The following TRHDE variants were observed in gnomAD, a reference collection of about 807,000 sequenced individuals.
TRHDE encodes thyrotropin releasing hormone degrading enzyme.
TRHDE carries 72 observed loss-of-function variants against 125.7 expected under a neutral mutation model. The ratio of observed to expected loss-of-function variants is 0.57; its 90% CI spans 0.47 to 0.70. The LOEUF is 0.70. Ranked by LOEUF, TRHDE falls within the 30% of genes least tolerant of loss-of-function variation. TRHDE has a pLI of 0.00. For synonymous variants in TRHDE, 509 were observed against 509.1 expected (o/e 1.00, Z 0.00); for missense variants, 1,110 against 1,327.1 (o/e 0.84, Z 2.54).
At chr12:72,159,413 T>A (rs1362901275) in intron 2 of TRHDE, among the ~76,000 whole-genome samples, 1 of 152,224 alleles carries the variant, frequency 6.6e-6, no homozygotes, top group Non-Finnish European at 1.5e-5. Context: ...CCCAGCCACA[T>A]GAATTCTTTC....
At chr12:72,354,682 AT>A (rs1870732743) in intron 2 of TRHDE, among the ~76,000 whole-genome samples, 1 of 148,682 alleles carries the variant, frequency 6.7e-6, no homozygotes, top group Non-Finnish European at 1.5e-5. Flanking sequence ...TAATTTTAAA[AT>A]ATATATGTAA....
intron 2 of TRHDE, among the ~76,000 whole-genome samples, chr12:72,316,571 T>G (rs1868813498): frequency 6.6e-6 from 1 of 152,202 alleles, no homozygotes; most frequent in African/African-American, 2.4e-5. Context: ...GAAAGGAAAG[T>G]GCTGTCCTGC....
intron 2 of TRHDE, among the ~76,000 whole-genome samples, chr12:72,349,052 C>T (rs932836042): frequency 6.6e-6 from 1 of 151,930 alleles, no homozygotes; most frequent in Non-Finnish European, 1.5e-5. Context: ...TGTAGTCTCC[C>T]TCTGGTCCAT....
At chr12:72,482,797 A>G (rs1334531435) in intron 5 of TRHDE, among the ~76,000 whole-genome samples, 1 of 151,960 alleles carries the variant, frequency 6.6e-6, no homozygotes, top group Non-Finnish European at 1.5e-5. Context: ...AACTATTTGC[A>G]TGACTGGTCC....
At chr12:72,210,018 G>T (rs773452122) in intron 2 of TRHDE, among the ~76,000 whole-genome samples, 11 of 152,104 alleles carry the variant, frequency 7.2e-5, no homozygotes, top group African/African-American at 2.2e-4. Flanking sequence ...TATTTAAGAG[G>T]TTGAAAATTT....
chr12:72,461,066 G>A (rs1876107296), intron 3 of TRHDE, among the ~76,000 whole-genome samples: 1 of 152,164 alleles, frequency 6.6e-6, no homozygotes, highest in Non-Finnish European at 1.5e-5. Flanking sequence ...AACACTGGCT[G>A]CCTATTATGG....
chr12:72,365,345 T>C (rs1210333439), intron 2 of TRHDE, among the ~76,000 whole-genome samples: 1 of 152,082 alleles, frequency 6.6e-6, no homozygotes, highest in Non-Finnish European at 1.5e-5. Flanking sequence ...TATATATGAT[T>C]CAACTGTAAG....
intron 3 of TRHDE, among the ~76,000 whole-genome samples, chr12:72,400,413 T>A (rs1371117835): frequency 1.3e-5 from 2 of 152,218 alleles, no homozygotes; most frequent in African/African-American, 4.8e-5. Flanking sequence ...TTTAATTTAA[T>A]ATGTAAGTGT....
chr12:72,108,737 AG>A (rs147475870), intron 2 of TRHDE, among the ~76,000 whole-genome samples: 3,146 of 152,234 alleles, frequency 0.021, 104 homozygotes, highest in African/African-American at 0.07. Context: ...AATGGTTGAA[AG>A]AATACGGGAA....
intron 15 of TRHDE, among the ~76,000 whole-genome samples, chr12:72,642,820 A>G (rs1050758294): frequency 1.3e-5 from 2 of 152,188 alleles, no homozygotes; most frequent in Non-Finnish European, 2.9e-5. Context: ...TGTACTGTTC[A>G]TAACTGTGGG....
chr12:72,562,516 A>C (rs949685941), intron 8 of TRHDE, among the ~76,000 whole-genome samples: 1 of 152,050 alleles, frequency 6.6e-6, no homozygotes, highest in African/African-American at 2.4e-5. Context: ...AAAAAATTGA[A>C]GTTTTAAATA....
intron 1 of TRHDE, among the ~76,000 whole-genome samples, chr12:72,093,025 G>A (rs1874828811): frequency 6.6e-6 from 1 of 152,182 alleles, no homozygotes; most frequent in African/African-American, 2.4e-5. Context: ...TTGATAGTAG[G>A]AGCCCTCAGC....
intron 6 of TRHDE, among the ~76,000 whole-genome samples, chr12:72,509,498 G>T (rs1878496867): frequency 6.6e-6 from 1 of 152,044 alleles, no homozygotes; most frequent in South Asian, 2.1e-4. Context: ...TCCCACATGA[G>T]GGCCTTTGAA....
chr12:72,450,556 A>G (rs1875520770), intron 3 of TRHDE, among the ~76,000 whole-genome samples: 1 of 151,940 alleles, frequency 6.6e-6, no homozygotes, highest in Non-Finnish European at 1.5e-5. Context: ...CCAATTGTCA[A>G]GAATATAGTA....
chr12:72,648,204 A>G (rs1463659212), intron 15 of TRHDE, among the ~76,000 whole-genome samples: 1 of 152,130 alleles, frequency 6.6e-6, no homozygotes, highest in African/African-American at 2.4e-5. Flanking sequence ...TCCTTTCATG[A>G]TAAAAAAAAA....
chr12:72,571,667 A>G (rs1870737738), intron 10 of TRHDE, among the ~76,000 whole-genome samples: 1 of 152,184 alleles, frequency 6.6e-6, no homozygotes, highest in African/African-American at 2.4e-5. Flanking sequence ...TGGCTATTCA[A>G]TTAACGGTTC....
intron 12 of TRHDE, among the ~76,000 whole-genome samples, chr12:72,578,168 G>A (rs1045794765): frequency 1.3e-5 from 2 of 152,106 alleles, no homozygotes; most frequent in African/African-American, 2.4e-5. Context: ...TATGCTCCAG[G>A]TACTGTTCTG....
chr12:72,353,300 T>G (rs1870669387), intron 2 of TRHDE, among the ~76,000 whole-genome samples: 1 of 151,590 alleles, frequency 6.6e-6, no homozygotes, highest in Non-Finnish European at 1.5e-5. Flanking sequence ...ATAGAAGCAT[T>G]TGTAGTAGAT....
At chr12:72,281,927 C>T (rs1391922086) in intron 1 of TRHDE, among the ~76,000 whole-genome samples, 1 of 152,162 alleles carries the variant, frequency 6.6e-6, no homozygotes, top group African/African-American at 2.4e-5. Flanking sequence ...AGCTTTAAGC[C>T]TTCCTTCTTA....
Sources: allele counts gnomAD v4.1 joint callset (sites outside exome capture counted in the v4.1 genomes callset), GRCh38; gene constraint gnomAD v4.1.1; transcripts MANE v1.5; gene names NCBI Gene and HGNC (gene_info 2026-07-23, HGNC 2026-07-21).